The following PPFIBP1 variants were observed in gnomAD, a reference collection of about 807,000 sequenced individuals.
PPFIBP1 encodes liprin-beta-1.
PPFIBP1 carries 112 observed loss-of-function variants against 137.8 expected under a neutral mutation model. The ratio of observed to expected loss-of-function variants is 0.81; its 90% CI spans 0.70 to 0.95. The LOEUF is 0.95. Ranked by LOEUF, PPFIBP1 falls within the 40% of genes least tolerant of loss-of-function variation. The pLI, the probability that PPFIBP1 is intolerant of heterozygous loss-of-function variation, is 0.00. For synonymous variants in PPFIBP1, 378 were observed against 417.3 expected (o/e 0.91, Z 1.15); for missense variants, 1,083 against 1,196.6 (o/e 0.91, Z 1.40).
At chr12:27,691,429 G>T (rs1252075606) in intron 27 of PPFIBP1, among the ~76,000 whole-genome samples, 3 of 152,024 alleles carry the variant, frequency 2.0e-5, no homozygotes, top group African/African-American at 7.3e-5. Context: ...TAGTAATGAT[G>T]TAATCAAATT....
At chr12:27,619,598 A>G (rs1201883277) in intron 2 of PPFIBP1, among the ~76,000 whole-genome samples, 1 of 152,208 alleles carries the variant, frequency 6.6e-6, no homozygotes, top group Non-Finnish European at 1.5e-5. Context: ...GTGGGCAGTT[A>G]GTTGCCTCAG....
Position 27,691,918 on chromosome 12 carries a change from G to A in PPFIBP1, c.2855G>A (p.Arg952Gln), listed in dbSNP as rs201126471. ...CTGTATGAGGAAGATGATTTGGACC[G>A]GTTAGAGCAGGTAAATCCAACACTG... Reference protein sequence around the residue: ...MRLYEEDDLDRLEQMEDSEGT... With the variant: ...MRLYEEDDLDQLEQMEDSEGT... The change falls in exon 28 of 30, where the codon CGG (arginine) becomes CAG (glutamine). Residue 952 changes from arginine to glutamine, a missense_variant. Arg to Gln is a conservative substitution (Grantham distance 43). Transcript: ENST00000228425. 1.4e-4 allele frequency: 230 copies of A among 1,606,096 alleles called. 1 individual carries two copies. The South Asian group carries it at 2.3e-3, about 16-fold the overall frequency.
At chr12:27,649,187 G>T (rs2139586859) in intron 6 of PPFIBP1, among the ~76,000 whole-genome samples, 1 of 152,318 alleles carries the variant, frequency 6.6e-6, no homozygotes, top group Non-Finnish European at 1.5e-5. Context: ...GTCATGGATG[G>T]AGTATGCACT....
intron 1 of PPFIBP1, among the ~76,000 whole-genome samples, chr12:27,524,602 G>A (rs1814070291): frequency 6.6e-6 from 1 of 151,986 alleles, no homozygotes. Context: ...GGACGTTTAG[G>A]TCTTGTCTGT....
At chr12:27,637,431 A>G (rs2057761382) in intron 4 of PPFIBP1, 1 of 152,210 alleles carries the variant, frequency 6.6e-6, no homozygotes, top group African/African-American at 2.4e-5. Context: ...AATCCACAAA[A>G]TGACAAATAT....
rs796892281 is a variant in PPFIBP1, at chr12:27,544,946, G to A, written c.-124+20581G>A. Among the ~76,000 whole-genome samples the A allele has an allele frequency of 1.8e-4, 28 of 152,018 alleles. 1 individual carries two copies. The highest frequency in any genetic ancestry group is 6.8e-4 in the African/African-American group (28 of 41,308). ...AGATACATGCACACGTGTGTTTATT[G>A]CAGCACTATTCACAATAGCAAAGAC... On this transcript the variant is annotated intron_variant, in intron 1 of 29. Coordinates refer to ENST00000228425, the MANE Select transcript of PPFIBP1 (RefSeq NM_003622.4).
chr12:27,628,532 A>G (rs191380681), intron 2 of PPFIBP1, among the ~76,000 whole-genome samples: 88 of 152,312 alleles, frequency 5.8e-4, no homozygotes, highest in South Asian at 1.7e-3. Flanking sequence ...AAAGAACTCA[A>G]CTATAACTAG....
At chr12:27,676,850 G>T (rs933097071) in intron 18 of PPFIBP1, 13 of 743,176 alleles carry the variant, frequency 1.7e-5, no homozygotes, top group Non-Finnish European at 3.0e-5. Context: ...GATTCCCTTT[G>T]ACTTCATCAT....
chr12:27,556,491 T>G (rs972771921), intron 1 of PPFIBP1, among the ~76,000 whole-genome samples: 1 of 152,156 alleles, frequency 6.6e-6, no homozygotes, highest in Non-Finnish European at 1.5e-5. Context: ...GTTATACAGA[T>G]TTTTTGCAGA....
rs57762949 is a variant in PPFIBP1 at position 27,589,411 on chromosome 12, C to T, written c.-36+11172C>T. Reference sequence around the variant, plus strand: ...CCTTGCGCCTCGGCCTTCCAAAGTGCTGAGGTTATAGGCATGAGCCACGGC... The same window carrying T: ...CCTTGCGCCTCGGCCTTCCAAAGTGTTGAGGTTATAGGCATGAGCCACGGC... On this transcript the variant is annotated intron_variant, in intron 2 of 29. Transcript: ENST00000228425. Among the ~76,000 whole-genome samples, 3 of 152,276 alleles carry T rather than the reference C, an allele frequency of 2.0e-5. 1 individual carries two copies. Among genetic ancestry groups the T allele is most frequent in the Admixed American group, 2.0e-4 (3 of 15,296 alleles).
chr12:27,592,480 A>G, intron 2 of PPFIBP1: 3 of 1,108,582 alleles, frequency 2.7e-6, no homozygotes, highest in Non-Finnish European at 2.6e-6. Flanking sequence ...TCCTAATTCA[A>G]GGGTTTCTTG....
chr12:27,554,529 TA>T (rs1270498608), intron 1 of PPFIBP1, among the ~76,000 whole-genome samples: 1 of 152,136 alleles, frequency 6.6e-6, no homozygotes, highest in Non-Finnish European at 1.5e-5. Context: ...GATAATGCTT[TA>T]AATAACAAAG....
intron 2 of PPFIBP1, among the ~76,000 whole-genome samples, chr12:27,588,610 CTCTTTATTTTAAAGA>C (rs1248826424): frequency 6.6e-6 from 1 of 152,112 alleles, no homozygotes. Context: ...AGGGTGAGAG[CTCTTTATTTTAAAGA>C]TTTGTACTTA....
At chr12:27,593,937 A>AG in intron 2 of PPFIBP1, 2 of 1,486,110 alleles carry the variant, frequency 1.3e-6, no homozygotes, top group Non-Finnish European at 1.8e-6. Context: ...GTGTCCTCAC[A>AG]GGGGGTGTCC....
At chr12:27,551,598 T>C (rs1343543483) in intron 1 of PPFIBP1, among the ~76,000 whole-genome samples, 1 of 152,214 alleles carries the variant, frequency 6.6e-6, no homozygotes, top group African/African-American at 2.4e-5. Context: ...TGTAAGTCTC[T>C]GGAGATGAAC....
At position 27,651,023 on chromosome 12, in the gene PPFIBP1, T is replaced by G. The variant is rs530717113; in HGVS notation, c.603+882T>G. ...CAAGGAGAGAGGAGAGAAAATGGTTTACTTATTTTTCCCTTCTGTTTTTAT... is the reference window on the plus strand; with the variant it reads ...CAAGGAGAGAGGAGAGAAAATGGTTGACTTATTTTTCCCTTCTGTTTTTAT... On this transcript the variant is annotated intron_variant, in intron 7 of 29. Coordinates refer to ENST00000228425, the MANE Select transcript of PPFIBP1 (RefSeq NM_003622.4). 3.3e-5 allele frequency among the ~76,000 whole-genome samples: 5 copies of G among 152,322 alleles called. No individual in the cohort carries two copies. In the South Asian group the frequency reaches 1.0e-3, roughly 32 times the overall value.
At chr12:27,676,841 ATTCCC>A in intron 18 of PPFIBP1, 1 of 728,114 alleles carries the variant, frequency 1.4e-6, no homozygotes, top group Non-Finnish European at 2.4e-6. Context: ...TAAAATCATG[ATTCCC>A]TTTGACTTCA....
intron 4 of PPFIBP1, 136 bp downstream of exon 4, chr12:27,635,251 T>A: frequency 1.2e-6 from 1 of 802,600 alleles, no homozygotes; most frequent in Non-Finnish European, 2.0e-6. Flanking sequence ...TAAGATATCT[T>A]AATTTTCTTT....
Position 27,687,422 on chromosome 12 carries a change from A to G in PPFIBP1, c.2285A>G (p.His762Arg). The G allele has an allele frequency of 6.2e-7, 1 of 1,614,068 alleles. No individual in the cohort carries two copies. Among genetic ancestry groups the G allele is most frequent in the Non-Finnish European group, 8.5e-7 (1 of 1,179,934 alleles). ...LLSLKVVSVL[H>R]HLSIKRAIQV... ...TCTCTGAAGGTTGTAAGTGTGCTAC[A>G]CCATCTCAGTATCAAAAGGGCCATC... Residue 762 changes from histidine to arginine, a missense_variant, in exon 25 of 30, where the codon CAC (histidine) becomes CGC (arginine). His to Arg is a conservative substitution (Grantham distance 29). Transcript: ENST00000228425.
Sources: gnomAD v4.1 joint callset for allele counts (sites outside exome capture counted in the v4.1 genomes callset) on GRCh38, gnomAD v4.1.1 for gene constraint, MANE v1.5 for transcripts, NCBI Gene and HGNC (gene_info 2026-07-23, HGNC 2026-07-21) for gene names.